Variants in DLGAP2 observed in about 807,000 individuals in gnomAD.
DLGAP2 encodes the protein disks large-associated protein 2.
Under a neutral mutation model 100.3 loss-of-function variants are expected in DLGAP2, and 26 were observed. That is an observed-to-expected ratio of 0.26 (90% CI 0.19 to 0.36). The LOEUF is 0.36. Ranked by LOEUF, DLGAP2 falls within the 10% of genes least tolerant of loss-of-function variation. DLGAP2 has a pLI of 1.00. For missense variants in DLGAP2, 1,858 were observed against 1,453.2 expected (o/e 1.28, Z -4.53); for synonymous variants, 886 against 630.1 (o/e 1.41, Z -6.08).
At chr8:1,440,406 C>G (rs1039000984) in intron 3 of DLGAP2, among the ~76,000 whole-genome samples, 1 of 152,130 alleles carries the variant, frequency 6.6e-6, no homozygotes, top group Non-Finnish European at 1.5e-5. Context: ...AGGTGTAAAA[C>G]CAGCTGGATG....
rs922747078 is a variant in DLGAP2, at chr8:869,641, A to G, written c.19-38271A>G. Among the ~76,000 whole-genome samples, 26 of 152,234 alleles carry G rather than the reference A, an allele frequency of 1.7e-4. 1 individual carries two copies. On this transcript the variant is annotated intron_variant, in intron 1 of 14. Transcript: ENST00000637795. ...TAAAGGTGAATTTAATCAACATAAG[A>G]AAAATAAAAGACTCCTTAGTCTTAA...
intron 5 of DLGAP2, among the ~76,000 whole-genome samples, chr8:1,554,745 A>C (rs993816585): frequency 1.3e-5 from 2 of 152,080 alleles, no homozygotes; most frequent in African/African-American, 4.8e-5. Context: ...AGAACTTGGC[A>C]AGCAGGAAGG....
At chr8:1,656,252 G>C (rs974759272) in intron 8 of DLGAP2, among the ~76,000 whole-genome samples, 1 of 152,056 alleles carries the variant, frequency 6.6e-6, no homozygotes, top group African/African-American at 2.4e-5. Flanking sequence ...GGAGATTGCA[G>C]TGAGCTGAGA....
intron 2 of DLGAP2, among the ~76,000 whole-genome samples, chr8:1,046,656 A>G (rs1042364705): frequency 1.3e-5 from 2 of 152,194 alleles, no homozygotes; most frequent in African/African-American, 4.8e-5. Flanking sequence ...GGATAAGTGA[A>G]TTGACTCTCT....
intron 1 of DLGAP2, among the ~76,000 whole-genome samples, chr8:798,146 G>A (rs1446238449): frequency 2.6e-5 from 4 of 152,254 alleles, no homozygotes; most frequent in Admixed American, 6.5e-5. Context: ...ATCTGCAAAG[G>A]GGCTGGTTCT....
At chr8:1,695,698 G>A (rs1440691376) in intron 13 of DLGAP2, among the ~76,000 whole-genome samples, 10 of 152,312 alleles carry the variant, frequency 6.6e-5, no homozygotes, top group Admixed American at 1.3e-4. Flanking sequence ...TTAGGTTGGC[G>A]AAGACTTCTG....
At chr8:1,208,470 A>T (rs1400816710) in intron 2 of DLGAP2, among the ~76,000 whole-genome samples, 1 of 152,222 alleles carries the variant, frequency 6.6e-6, no homozygotes, top group Non-Finnish European at 1.5e-5. Context: ...CATAGAAGGG[A>T]CATACTTTAA....
At chr8:1,324,793 C>T (rs914733831) in intron 3 of DLGAP2, among the ~76,000 whole-genome samples, 1 of 152,080 alleles carries the variant, frequency 6.6e-6, no homozygotes, top group African/African-American at 2.4e-5. Flanking sequence ...ATCAGAGGAG[C>T]GGGAGTCACA....
chr8:1,435,820 C>T (rs1463604308), intron 3 of DLGAP2, among the ~76,000 whole-genome samples: 6 of 151,742 alleles, frequency 4.0e-5, no homozygotes, highest in Non-Finnish European at 8.8e-5. Flanking sequence ...AGTCCTGACC[C>T]TGCGCAGGTA....
chr8:1,431,139 C>G (rs868133148), intron 3 of DLGAP2, among the ~76,000 whole-genome samples: 74 of 152,314 alleles, frequency 4.9e-4, no homozygotes, highest in African/African-American at 1.6e-3. Flanking sequence ...GTACAGAGAA[C>G]AGAAACACAT....
chr8:1,296,595 G>C (rs1800181447), intron 3 of DLGAP2, among the ~76,000 whole-genome samples: 1 of 152,084 alleles, frequency 6.6e-6, no homozygotes, highest in African/African-American at 2.4e-5. Flanking sequence ...TATTTTTCTG[G>C]GGTAGCATAA....
At chr8:1,674,542 GAC>G (rs1391424061) in intron 10 of DLGAP2, among the ~76,000 whole-genome samples, 1 of 152,162 alleles carries the variant, frequency 6.6e-6, no homozygotes, top group African/African-American at 2.4e-5. Flanking sequence ...AAGTGAGAGA[GAC>G]AAATATTCTC....
At chr8:1,171,873 G>T (rs1006385434) in intron 2 of DLGAP2, among the ~76,000 whole-genome samples, 1 of 152,128 alleles carries the variant, frequency 6.6e-6, no homozygotes, top group Non-Finnish European at 1.5e-5. Context: ...GGAGCATTTA[G>T]TCCATGTACA....
chr8:1,483,561 G>A (rs896728199), intron 3 of DLGAP2, among the ~76,000 whole-genome samples: 3 of 146,224 alleles, frequency 2.1e-5, no homozygotes, highest in African/African-American at 5.5e-5. Flanking sequence ...ACCTGAGGGC[G>A]TCTACACAGA....
At chr8:1,167,730 T>A (rs1302616039) in intron 2 of DLGAP2, among the ~76,000 whole-genome samples, 1 of 152,212 alleles carries the variant, frequency 6.6e-6, no homozygotes, top group Admixed American at 6.5e-5. Flanking sequence ...TTGTTGGGCA[T>A]CAGCATCCAT....
intron 3 of DLGAP2, among the ~76,000 whole-genome samples, chr8:1,284,593 C>T (rs1194725290): frequency 6.6e-6 from 1 of 152,190 alleles, no homozygotes; most frequent in African/African-American, 2.4e-5. Context: ...CATCACAACA[C>T]ATTTTTCCTA....
intron 6 of DLGAP2, among the ~76,000 whole-genome samples, chr8:1,572,298 T>A (rs1438232592): frequency 1.2e-4 from 13 of 106,076 alleles, no homozygotes; most frequent in East Asian, 3.3e-4. Flanking sequence ...TGTGGGGGCA[T>A]CTGATGAGAT....
chr8:1,591,990 A>T (rs735362), intron 6 of DLGAP2, among the ~76,000 whole-genome samples: 64,924 of 152,052 alleles, frequency 0.43, 13,990 homozygotes, highest in African/African-American at 0.46. Flanking sequence ...CACATTTTCC[A>T]GGATCTAGCT....
In DLGAP2 at chr8:946,303, A is replaced by G. The variant is rs537947128; in HGVS notation, c.73+38337A>G. 5.1e-4 allele frequency among the ~76,000 whole-genome samples: 75 copies of G among 148,146 alleles called. 1 individual carries two copies. The highest frequency in any genetic ancestry group is 7.0e-4 in the African/African-American group (28 of 39,752). On this transcript the variant is annotated intron_variant, in intron 2 of 14. Transcript: ENST00000637795. ...TTTTTTTTGACAGTCTCACTCTGTC[A>G]TCCAGGCTGGAGTGCAGTGGTGCGA...
Sources: gnomAD v4.1 joint callset for allele counts (sites outside exome capture counted in the v4.1 genomes callset) on GRCh38, gnomAD v4.1.1 for gene constraint, MANE v1.5 for transcripts, NCBI Gene and HGNC (gene_info 2026-07-23, HGNC 2026-07-21) for gene names.